Variants in SELP observed in about 807,000 individuals in gnomAD.
SELP encodes the protein selectin P.
A neutral mutation model predicts 104.1 loss-of-function variants in SELP; 92 were observed. The ratio of observed to expected loss-of-function variants is 0.88; its 90% confidence interval spans 0.75 to 1.05. The LOEUF is 1.05. Among genes scored for constraint, SELP ranks in the 50% least tolerant of loss-of-function variants. The pLI is 0.00. For synonymous variants in SELP, 397 were observed against 364.5 expected (o/e 1.09, Z -1.01); for missense variants, 1,022 against 1,017.3 (o/e 1.00, Z -0.06).
At chr1:169,618,579 C>T (rs1020786252) in intron 2 of SELP, among the ~76,000 whole-genome samples, 1 of 152,156 alleles carries the variant, frequency 6.6e-6, no homozygotes, top group African/African-American at 2.4e-5. Context: ...TTGTTTCTAT[C>T]CAACCCTCTC....
At chr1:169,613,475 G>A in intron 4 of SELP, 111 bp downstream of exon 4, 2 of 783,586 alleles carry the variant, frequency 2.6e-6, no homozygotes, top group Admixed American at 2.1e-5. Context: ...ATGATAGAGG[G>A]GGGCTGGTAC....
chr1:169,598,093 A>G (rs1255949261), intron 10 of SELP, among the ~76,000 whole-genome samples: 1 of 152,226 alleles, frequency 6.6e-6, no homozygotes. Flanking sequence ...AGTGCTCAGT[A>G]ACCACTTGCC....
rs553548058 is a variant in SELP, at chr1:169,625,519, C to T, written c.3+4553G>A. Among the ~76,000 whole-genome samples, 12 of 152,232 alleles carry T rather than the reference C, an allele frequency of 7.9e-5. No homozygotes were observed. In the South Asian group the frequency reaches 1.4e-3, roughly 18 times the overall value. On this transcript the variant is annotated intron_variant, in intron 1 of 16. Transcript: ENST00000263686. ...GAGCAGGAGGTCCACAATTTAAATG[C>T]GCAACAAACATGTGAGCATACAGCT...
intron 8 of SELP, among the ~76,000 whole-genome samples, chr1:169,608,776 G>T (rs1482915339): frequency 1.3e-5 from 2 of 152,024 alleles, no homozygotes; most frequent in Admixed American, 6.6e-5. Flanking sequence ...TTGCTCAGAG[G>T]TCTCCGTAAA....
chr1:169,610,613 G>C, intron 7 of SELP, among the ~76,000 whole-genome samples: 1 of 152,022 alleles, frequency 6.6e-6, no homozygotes, highest in South Asian at 2.1e-4. Flanking sequence ...CCTGGCCAAA[G>C]TGGTGAAACC....
intron 7 of SELP, 59 bp downstream of exon 7, chr1:169,611,433 C>T (rs3917732): frequency 3.2e-6 from 5 of 1,565,896 alleles, no homozygotes; most frequent in Non-Finnish European, 3.5e-6. Flanking sequence ...CCCTTGGCCT[C>T]TCTACCATGC....
rs1164981568 is a variant in SELP, at chr1:169,611,590, C to T, written c.1049G>A (p.Cys350Tyr). The T allele has an allele frequency of 1.9e-6, 3 of 1,614,040 alleles. No individual in the cohort carries two copies. The highest frequency in any genetic ancestry group is 2.2e-5 in the East Asian group (1 of 44,904). Residue 350 changes from cysteine to tyrosine, a missense_variant, in exon 7 of 17, where the codon TGT becomes TAT. Cys to Tyr is a radical substitution (Grantham distance 194). Transcript: ENST00000263686. ...PLTAFAYGSS[C>Y]KFECQPGYRV... is the part of the protein sequence containing the mutation. ...GTAGCCGGGCTGGCACTCAAATTTA[C>T]AGCTGGAGCCATAGGCAAAAGCAGT...
At chr1:169,620,878 G>A (rs1443924624) in intron 1 of SELP, among the ~76,000 whole-genome samples, 1 of 124,836 alleles carries the variant, frequency 8.0e-6, no homozygotes, top group African/African-American at 3.1e-5. Context: ...GGACTGTGTG[G>A]AGTTGTGTAT....
intron 16 of SELP, among the ~76,000 whole-genome samples, chr1:169,589,830 C>G (rs768811923): frequency 6.6e-6 from 1 of 152,202 alleles, no homozygotes; most frequent in Non-Finnish European, 1.5e-5. Context: ...TTTCAGCAGT[C>G]CTGACTTCTG....
chr1:169,599,096 T>C (rs766311295), intron 10 of SELP, among the ~76,000 whole-genome samples: 1 of 152,146 alleles, frequency 6.6e-6, no homozygotes, highest in Non-Finnish European at 1.5e-5. Flanking sequence ...CCTTACATAC[T>C]AAGAATTTGG....
chr1:169,609,745 C>T, intron 7 of SELP, 56 bp from the exon 8 acceptor site: 1 of 1,503,862 alleles, frequency 6.6e-7, no homozygotes, highest in Non-Finnish European at 9.0e-7. Context: ...GGTTCTTCCT[C>T]AGAAAAAATT....
chr1:169,593,561 AT>A (rs776733544), intron 14 of SELP, 43 bp downstream of exon 14: 2 of 1,578,880 alleles, frequency 1.3e-6, no homozygotes, highest in Admixed American at 3.5e-5. Flanking sequence ...ATTTCTTTTG[AT>A]TTATGTAACC....
At position 169,589,049 on chromosome 1, in the gene SELP, C is replaced by CT. The variant is rs1213572416; in HGVS notation, c.*413dup. On this transcript the variant is annotated 3_prime_UTR_variant, in exon 17 of 17. Transcript: ENST00000263686. The stretch of plus-strand genomic sequence containing the variant: ...CAAGAGGCCTCATCAACAGCAACCA[C>CT]TGGAGACTCCAGAAGATGCTACAGG... 1 of 152,166 alleles carries CT rather than the reference C, an allele frequency of 6.6e-6. No individual in the cohort carries two copies. Among genetic ancestry groups the CT allele is most frequent in the Non-Finnish European group, 1.5e-5 (1 of 68,036 alleles). 9.4% of individuals were successfully genotyped at this position (152,166 alleles called of 1,614,324 possible). A position where few individuals can be genotyped will look rare whatever the true frequency, so the allele number is the denominator to read the frequency against.
chr1:169,606,942 C>A lies in SELP; in HGVS notation c.1519+7G>T. The stretch of plus-strand genomic sequence containing the variant: ...TTTCCATGATGTTAGAAAGAATACA[C>A]TCTTACCTTGGCATTCTGGAGGAAC... On this transcript the variant is annotated splice_region_variant and intron_variant, in intron 9 of 16. Coordinates refer to ENST00000263686, the MANE Select transcript of SELP (RefSeq NM_003005.4). 2 of 1,612,004 alleles carry A rather than the reference C, an allele frequency of 1.2e-6. No homozygotes were observed. Among genetic ancestry groups the A allele is most frequent in the Non-Finnish European group, 1.7e-6 (2 of 1,178,920 alleles).
At position 169,594,761 on chromosome 1, in the gene SELP, G is replaced by A. The variant is rs765608567; in HGVS notation, c.2218C>T (p.Leu740Phe). ...CATGCTGTTTGTGCAGAGCCATTAA[G>A]TAACTGGCCCTCTAGACAATGGAAA... is the stretch of plus-strand genomic sequence containing the variant. Reference protein sequence around the residue: ...CSFHCLEGQLLNGSAQTACQE... With the variant: ...CSFHCLEGQLFNGSAQTACQE... Residue 740 changes from leucine (L) to phenylalanine (F), a missense_variant, in exon 13 of 17, where the codon CTT becomes TTT. By Grantham distance (22) the Leu-to-Phe change is conservative. Transcript: ENST00000263686. The A allele has an allele frequency of 3.1e-6, 5 of 1,613,738 alleles. No homozygotes were observed. In the Admixed American group the frequency reaches 5.0e-5, roughly 16 times the overall value.
Position 169,596,775 on chromosome 1 carries a change from C to G in SELP, c.1891+216G>C, listed in dbSNP as rs1332780429. Among the ~76,000 whole-genome samples the G allele has an allele frequency of 2.0e-5, 3 of 152,188 alleles. No individual in the cohort carries two copies. In the East Asian group the frequency reaches 5.8e-4, roughly 29 times the overall value. ...TCTTTCAAAAAAAGAAGCCATGAAA[C>G]AAAATTCCTGCTTAAGAATCAATAT... On this transcript the variant is annotated intron_variant, in intron 11 of 16. Transcript: ENST00000263686.
At chr1:169,606,443 T>G (rs1219159901) in intron 9 of SELP, among the ~76,000 whole-genome samples, 1 of 152,256 alleles carries the variant, frequency 6.6e-6, no homozygotes, top group Non-Finnish European at 1.5e-5. Flanking sequence ...CTATCACTCT[T>G]CACCTTATTC....
chr1:169,593,781 A>C, intron 13 of SELP, 57 bp from the exon 14 acceptor site: 1 of 1,585,540 alleles, frequency 6.3e-7, no homozygotes, highest in Non-Finnish European at 8.6e-7. Context: ...GCAAAAGACT[A>C]GTCTTTCTCT....
intron 5 of SELP, 67 bp downstream of exon 5, chr1:169,612,862 C>A: frequency 7.6e-7 from 1 of 1,320,188 alleles, no homozygotes; most frequent in Non-Finnish European, 1.0e-6. Context: ...ATGGAGAAAG[C>A]TCATTGTGTC....
Sources: gnomAD v4.1 joint callset for allele counts (sites outside exome capture counted in the v4.1 genomes callset) on GRCh38, gnomAD v4.1.1 for gene constraint, MANE v1.5 for transcripts, NCBI Gene and HGNC (gene_info 2026-07-23, HGNC 2026-07-21) for gene names.